The following EPHA10 variants were observed in gnomAD, a reference collection of about 807,000 sequenced individuals.
EPHA10 encodes EPH receptor A10, also known as ephrin type-A receptor 10.
A neutral mutation model predicts 109.7 loss-of-function variants in EPHA10; 120 were observed. The observed-to-expected ratio is 1.09, with a 90% CI of 0.94 to 1.27. The LOEUF is 1.27. Among genes scored for constraint, EPHA10 ranks in the 50% most tolerant of loss-of-function variants. EPHA10 has a pLI of 0.00. For synonymous variants in EPHA10, 640 were observed against 618.9 expected, an observed-to-expected ratio of 1.03 and a Z score of -0.51; for missense variants, 1,396 against 1,411.1, an observed-to-expected ratio of 0.99 and a Z score of 0.17.
intron 5 of EPHA10, among the ~76,000 whole-genome samples, chr1:37,749,738 G>A (rs931891983): frequency 1.3e-5 from 2 of 151,956 alleles, no homozygotes; most frequent in Non-Finnish European, 2.9e-5. Flanking sequence ...ATACCATCAT[G>A]CATTGCTAAA....
chr1:37,752,768 C>G, intron 5 of EPHA10, 108 bp downstream of exon 5: 1 of 656,400 alleles, frequency 1.5e-6, no homozygotes, highest in Non-Finnish European at 1.9e-6. Context: ...AGGATGGCTT[C>G]TCTGGGGTGG....
intron 10 of EPHA10, 39 bp from the exon 11 acceptor site, chr1:37,721,884 C>T (rs1000301173): frequency 1.8e-5 from 26 of 1,475,856 alleles, no homozygotes; most frequent in Admixed American, 2.3e-5. Flanking sequence ...CCAGAGGCCA[C>T]TGCCCTGGCT....
intron 14 of EPHA10, 118 bp downstream of exon 14, chr1:37,719,791 C>G: frequency 6.5e-7 from 1 of 1,543,534 alleles, no homozygotes; most frequent in South Asian, 1.1e-5. Context: ...CAGAAGCAAG[C>G]AGACAGAGAA....
At position 37,761,583 on chromosome 1, in the gene EPHA10, G is replaced by T. The variant is rs956255697; in HGVS notation, c.672C>A (p.Thr224=). 2 of 1,599,068 alleles carry T rather than the reference G, an allele frequency of 1.3e-6. No homozygotes were observed. The highest frequency in any genetic ancestry group is 1.3e-5 in the African/African-American group (1 of 74,748). Residue 224 remains threonine (T), a synonymous_variant, in exon 3 of 17, where the codon ACC becomes ACA. Coordinates refer to ENST00000373048, the MANE Select transcript of EPHA10 (RefSeq NM_001099439.2). ...TVRGLATFPA[T]AAESAFSTLV... ...GTGTGGAGAAGGCGCTCTCGGCTGC[G>T]GTGGCTGGGAACGTGGCCAGGCCCC...
chr1:37,715,826 T>C, downstream of EPHA10: 1 of 498,172 alleles, frequency 2.0e-6, no homozygotes, highest in Non-Finnish European at 3.9e-6. Flanking sequence ...CTGGGACATC[T>C]TTCACGGCAG....
At chr1:37,740,005 G>A (rs1646129149) in intron 5 of EPHA10, among the ~76,000 whole-genome samples, 5 of 152,040 alleles carry the variant, frequency 3.3e-5, no homozygotes, top group Admixed American at 2.6e-4. Context: ...GAGACAGGAG[G>A]CTTGCCCAAG....
Position 37,735,249 on chromosome 1 carries a change from G to A in EPHA10, c.1491+8C>T. ...CAGGCTCCAGGTCCCTCCCAGACAC[G>A]CACTCACCTTCTCGTAGTATCGGAT... On this transcript the variant is annotated splice_region_variant and intron_variant, in intron 6 of 16. Coordinates refer to ENST00000373048, the MANE Select transcript of EPHA10 (RefSeq NM_001099439.2). 1.9e-6 allele frequency: 3 copies of A among 1,565,872 alleles called. No individual in the cohort carries two copies. Among genetic ancestry groups the A allele is most frequent in the East Asian group, 2.4e-5 (1 of 41,978 alleles).
Position 37,719,802 on chromosome 1 carries a change from G to A in EPHA10, c.2562+107C>T, listed in dbSNP as rs934460180. ...GAACCAGAAGCAAGCAGACAGAGAA[G>A]AGGGGCCTGAGGCAGGAAGATTGAG... On this transcript the variant is annotated intron_variant, in intron 14 of 16. Coordinates refer to ENST00000373048, the MANE Select transcript of EPHA10 (RefSeq NM_001099439.2). 6.4e-6 allele frequency: 10 copies of A among 1,567,406 alleles called. 1 individual carries two copies. Among genetic ancestry groups the A allele is most frequent in the Non-Finnish European group, 7.0e-6 (8 of 1,143,828 alleles).
chr1:37,727,379 C>CCA (rs1428457319), intron 7 of EPHA10, among the ~76,000 whole-genome samples, 169 bp from the exon 8 acceptor site: 1 of 152,234 alleles, frequency 6.6e-6, no homozygotes, highest in Non-Finnish European at 1.5e-5. Context: ...CACAGTGGCA[C>CCA]CTGGAGTCCC....
rs777640925 is a variant in EPHA10 at position 37,731,451 on chromosome 1, C to T, written c.1623G>A (p.Gln541=). 3.3e-5 allele frequency: 53 copies of T among 1,613,492 alleles called. No homozygotes were observed. In the South Asian group the frequency reaches 5.6e-4, roughly 17 times the overall value. The change falls in exon 7 of 17, where the codon CAG becomes CAA. Residue 541 remains glutamine, a synonymous_variant. Transcript: ENST00000373048. ...AASPGPSWEA[Q]SFNPSIEVQT... ...GTACTTCAATGCTGGGGTTAAAACTCTGGGCCTCCCAGGATGGCCCCGGGG... is the reference window on the plus strand; with the variant it reads ...GTACTTCAATGCTGGGGTTAAAACTTTGGGCCTCCCAGGATGGCCCCGGGG...
chr1:37,750,171 T>TC (rs397806692), intron 5 of EPHA10, among the ~76,000 whole-genome samples: 2 of 151,140 alleles, frequency 1.3e-5, no homozygotes, highest in Non-Finnish European at 1.5e-5. Context: ...ATGGGTTTTT[T>TC]CTTCTTCTAT....
chr1:37,731,662 A>G, intron 6 of EPHA10, 80 bp from the exon 7 acceptor site: 1 of 1,434,398 alleles, frequency 7.0e-7, no homozygotes, highest in Non-Finnish European at 9.3e-7. Flanking sequence ...AGGAACAGGG[A>G]GGCAGGAGAA....
At chr1:37,739,631 G>A (rs1646122544) in intron 5 of EPHA10, among the ~76,000 whole-genome samples, 1 of 144,602 alleles carries the variant, frequency 6.9e-6, no homozygotes, top group African/African-American at 2.6e-5. Context: ...GGAGGTTGCA[G>A]TGAGCCAAGA....
rs1405968092 is a variant in EPHA10 at position 37,723,083 on chromosome 1, G to C, written c.1918C>G (p.Leu640Val). Residue 640 changes from leucine (L) to valine (V), a missense_variant, in exon 10 of 17, where the codon CTG becomes GTG. Physicochemically the swap from Leu to Val is conservative, Grantham distance 32. Transcript: ENST00000373048. Reference sequence around the variant, plus strand: ...TCCAGCGTGACGCTTTTCGCATCCAGTTCCTTGGCGAACAGATGCACAGCC... The same window carrying C: ...TCCAGCGTGACGCTTTTCGCATCCACTTCCTTGGCGAACAGATGCACAGCC... ...LQAVHLFAKE[L>V]DAKSVTLERS... 2 of 1,614,234 alleles carry C rather than the reference G, an allele frequency of 1.2e-6. No homozygotes were observed. The highest frequency in any genetic ancestry group is 1.7e-6 in the Non-Finnish European group (2 of 1,180,048).
At position 37,761,605 on chromosome 1, in the gene EPHA10, C is replaced by A. The variant is rs1646431562; in HGVS notation, c.650G>T (p.Gly217Val). The A allele has an allele frequency of 6.2e-7, 1 of 1,602,354 alleles. No homozygotes were observed. Among genetic ancestry groups the A allele is most frequent in the Non-Finnish European group, 8.5e-7 (1 of 1,178,886 alleles). Reference protein sequence around the residue: ...YYKQCRATVRGLATFPATAAE... With the variant: ...YYKQCRATVRVLATFPATAAE... ...TGCGGTGGCTGGGAACGTGGCCAGG[C>A]CCCGCACGGTGGCGCGGCACTGCTT... Residue 217 changes from glycine (G) to valine (V), a missense_variant, in exon 3 of 17, where the codon GGC (glycine) becomes GTC (valine). Physicochemically the swap from Gly to Val is moderately radical, Grantham distance 109 (BLOSUM62 -3). Coordinates refer to ENST00000373048, the MANE Select transcript of EPHA10 (RefSeq NM_001099439.2).
At chr1:37,731,265 G>A (rs761643000) in intron 7 of EPHA10, 146 bp downstream of exon 7, 3 of 784,856 alleles carry the variant, frequency 3.8e-6, no homozygotes, top group Non-Finnish European at 5.5e-6. Flanking sequence ...TAATTAATTA[G>A]GCTGTAATTA....
chr1:37,727,404 C>G (rs1462458772), intron 7 of EPHA10, among the ~76,000 whole-genome samples, 194 bp from the exon 8 acceptor site: 1 of 152,228 alleles, frequency 6.6e-6, no homozygotes, highest in Non-Finnish European at 1.5e-5. Flanking sequence ...GCTTCCTCTG[C>G]TCTCAGGGCA....
intron 3 of EPHA10, chr1:37,761,192 C>T: frequency 6.8e-7 from 1 of 1,469,580 alleles, no homozygotes; most frequent in Non-Finnish European, 8.9e-7. Flanking sequence ...GCCTCCTTAG[C>T]CAGTCAATTT....
chr1:37,751,159 C>T (rs559024569), intron 5 of EPHA10, among the ~76,000 whole-genome samples: 37 of 136,898 alleles, frequency 2.7e-4, no homozygotes, highest in Admixed American at 1.5e-3. Flanking sequence ...GAGCCAAGAT[C>T]GCCACTGCAC....
Sources: gnomAD v4.1 joint callset for allele counts (sites outside exome capture counted in the v4.1 genomes callset) on GRCh38, gnomAD v4.1.1 for gene constraint, MANE v1.5 for transcripts, NCBI Gene and HGNC (gene_info 2026-07-23, HGNC 2026-07-21) for gene names.